Variants in AQR observed in about 807,000 individuals in gnomAD.
AQR encodes RNA helicase aquarius.
AQR carries 61 observed loss-of-function variants against 180.5 expected under a neutral mutation model. The observed-to-expected ratio is 0.34, with a 90% CI of 0.28 to 0.42. AQR has a LOEUF of 0.42. Among genes scored for constraint, AQR ranks in the 10% least tolerant of loss-of-function variants. AQR has a pLI of 1.00. For synonymous variants in AQR, 551 were observed against 588.8 expected, an observed-to-expected ratio of 0.94 and a Z score of 0.93; for missense variants, 1,281 against 1,798.3, an observed-to-expected ratio of 0.71 and a Z score of 5.20.
At chr15:34,884,471 T>A (rs1893025582) in intron 26 of AQR, 54 bp downstream of exon 26, 1 of 1,359,336 alleles carries the variant, frequency 7.4e-7, no homozygotes, top group East Asian at 2.5e-5. Context: ...AAAAAAAAAC[T>A]AAACTAAATT....
chr15:34,923,824 C>T (rs1013833798), intron 13 of AQR, among the ~76,000 whole-genome samples: 4 of 152,128 alleles, frequency 2.6e-5, no homozygotes, highest in Non-Finnish European at 5.9e-5. Flanking sequence ...ATTACTATAG[C>T]TTTACTGCAA....
intron 16 of AQR, among the ~76,000 whole-genome samples, chr15:34,911,904 G>GGAGTTTCA (rs1893505611): frequency 1.9e-5 from 1 of 52,890 alleles, no homozygotes; most frequent in Non-Finnish European, 6.3e-5. Flanking sequence ...TTTTCTTCTC[G>GGAGTTTCA]GAGTTTCATG....
At chr15:34,872,885 C>CTA (rs1429312144) in intron 30 of AQR, among the ~76,000 whole-genome samples, 4 of 152,042 alleles carry the variant, frequency 2.6e-5, no homozygotes, top group Admixed American at 6.6e-5. Context: ...ACCCCAAATG[C>CTA]TACCAACCAA....
intron 9 of AQR, among the ~76,000 whole-genome samples, 176 bp downstream of exon 9, chr15:34,938,561 C>G (rs1043194712): frequency 2.0e-5 from 3 of 151,962 alleles, no homozygotes; most frequent in African/African-American, 4.8e-5. Context: ...ATAAAATAAC[C>G]CTTAAAGGCA....
intron 2 of AQR, among the ~76,000 whole-genome samples, chr15:34,961,829 C>G (rs561871718): frequency 3.0e-4 from 45 of 152,050 alleles, no homozygotes; most frequent in Non-Finnish European, 1.2e-4. Context: ...AACTACCACA[C>G]AGGGTTACTG....
chr15:34,897,864 A>G (rs142584235), intron 20 of AQR, among the ~76,000 whole-genome samples, 159 bp from the exon 21 acceptor site: 27 of 152,370 alleles, frequency 1.8e-4, no homozygotes, highest in Non-Finnish European at 3.4e-4. Flanking sequence ...TGGTCGAGTT[A>G]CAAGCCCTAA....
At chr15:34,931,535 C>T (rs115369355) in intron 11 of AQR, among the ~76,000 whole-genome samples, 2,565 of 152,228 alleles carry the variant, frequency 0.017, 74 homozygotes, top group African/African-American at 0.057. Context: ...CTGCTGGGTG[C>T]AGTGGTTCAC....
intron 24 of AQR, among the ~76,000 whole-genome samples, chr15:34,888,437 G>A (rs1015557370): frequency 2.6e-5 from 4 of 152,078 alleles, no homozygotes; most frequent in South Asian, 4.1e-4. Context: ...GGTGGCACAC[G>A]CCTGTAATCC....
intron 3 of AQR, among the ~76,000 whole-genome samples, chr15:34,960,127 A>C (rs935890674): frequency 6.6e-6 from 1 of 152,204 alleles, no homozygotes; most frequent in African/African-American, 2.4e-5. Context: ...TAAAATACTC[A>C]CTGGACATAC....
At chr15:34,873,547 A>G (rs1191841146) in intron 30 of AQR, among the ~76,000 whole-genome samples, 1 of 152,004 alleles carries the variant, frequency 6.6e-6, no homozygotes, top group Non-Finnish European at 1.5e-5. Context: ...TCCAATCGCT[A>G]TTTTTCTTTA....
chr15:34,867,735 G>C (rs1892756919), intron 31 of AQR, 126 bp from the exon 32 acceptor site: 1 of 683,952 alleles, frequency 1.5e-6, no homozygotes, highest in African/African-American at 1.9e-5. Flanking sequence ...ATAATCATAG[G>C]CTTGGAATTC....
At chr15:34,883,451 A>G (rs1310350774) in intron 26 of AQR, among the ~76,000 whole-genome samples, 1 of 152,168 alleles carries the variant, frequency 6.6e-6, no homozygotes, top group Non-Finnish European at 1.5e-5. Context: ...AGCTATTATT[A>G]TGAATTGAGT....
intron 17 of AQR, among the ~76,000 whole-genome samples, chr15:34,908,877 C>G (rs977332948): frequency 6.6e-6 from 1 of 152,208 alleles, no homozygotes; most frequent in African/African-American, 2.4e-5. Flanking sequence ...TTATTACCCA[C>G]AGTGTTTAAT....
chr15:34,893,682 A>G lies in AQR; in HGVS notation c.2552T>C (p.Ile851Thr). 5 of 1,611,552 alleles carry G rather than the reference A, an allele frequency of 3.1e-6. No individual in the cohort carries two copies. The highest frequency in any genetic ancestry group is 4.2e-6 in the Non-Finnish European group (5 of 1,178,698). The change falls in exon 23 of 35, where the codon ATT becomes ACT. Residue 851 changes from isoleucine (I) to threonine (T), a missense_variant. By Grantham distance (89) the Ile-to-Thr change is moderately conservative. This residue lies in a region of AQR where 31 missense variants were observed against 95.5 expected (regional missense o/e 0.32). Transcript: ENST00000156471. ...YHNFPEQRTLIVTHSNQALNQ... is the reference protein window; with the variant it reads ...YHNFPEQRTLTVTHSNQALNQ... ...ATTTACCTGATTGGAATGAGTAACA[A>G]TTAGAGTCCTCTGTTCTGGGAAGTT...
chr15:34,967,337 C>A (rs965991452), intron 1 of AQR, among the ~76,000 whole-genome samples: 2 of 152,192 alleles, frequency 1.3e-5, no homozygotes, highest in Non-Finnish European at 2.9e-5. Flanking sequence ...CTTTCATACA[C>A]CTCAAACCAG....
At chr15:34,955,485 C>G (rs894101260) in intron 3 of AQR, among the ~76,000 whole-genome samples, 3 of 152,134 alleles carry the variant, frequency 2.0e-5, no homozygotes, top group African/African-American at 7.2e-5. Context: ...CCACCACAAC[C>G]ATACGGAAAA....
At position 34,874,685 on chromosome 15, in the gene AQR, G is replaced by T. The variant is rs1254548397; in HGVS notation, c.3417C>A (p.Ala1139=). 2.5e-6 allele frequency: 4 copies of T among 1,613,076 alleles called. No homozygotes were observed. The highest frequency in any genetic ancestry group is 3.4e-6 in the Non-Finnish European group (4 of 1,179,488). ...TTTCCTGTCTCTTTTACCTTGCTCT[G>T]GCTCTCCCTTGAGCATCAAGGTCAA... ...PTVDLDAQGR[A]RASLCNLYNW... Residue 1139 remains alanine (A), a synonymous_variant, in exon 29 of 35, where the codon GCC becomes GCA. Coordinates refer to ENST00000156471, the MANE Select transcript of AQR (RefSeq NM_014691.3).
chr15:34,951,410 A>T (rs1413945246), intron 4 of AQR, among the ~76,000 whole-genome samples: 2 of 152,228 alleles, frequency 1.3e-5, no homozygotes, highest in East Asian at 3.8e-4. Context: ...GCGGTGGCTC[A>T]TGCCTGTAAT....
rs780179363 is a variant in AQR at position 34,897,658 on chromosome 15, G to C, written c.2291C>G (p.Ala764Gly). 2 of 1,613,942 alleles carry C rather than the reference G, an allele frequency of 1.2e-6. No homozygotes were observed. The highest frequency in any genetic ancestry group is 3.3e-5 in the Admixed American group (2 of 60,012). Residue 764 changes from alanine (A) to glycine (G), a missense_variant, in exon 21 of 35, where the codon GCG (alanine) becomes GGG (glycine). Ala to Gly is a moderately conservative substitution (Grantham distance 60). This residue lies in a region of AQR where 112 missense variants were observed against 128.6 expected (regional missense o/e 0.87). Coordinates refer to ENST00000156471, the MANE Select transcript of AQR (RefSeq NM_014691.3). The part of the protein sequence containing the change: ...RSGKGKKRKD[A>G]DVEDEDTEEA... ...CTCGGTGTCTTCATCTTCCACATCC[G>C]CATCTTTCCTTTTCTTCCCTTTTCC... is the stretch of plus-strand genomic sequence containing the variant.
Sources: gnomAD v4.1 joint callset for allele counts (sites outside exome capture counted in the v4.1 genomes callset) on GRCh38, gnomAD v4.1.1 for gene constraint, gnomAD v4.1.1 regional missense constraint, MANE v1.5 for transcripts, NCBI Gene and HGNC (gene_info 2026-07-23, HGNC 2026-07-21) for gene names.